Variants in KIF13B observed in about 807,000 individuals in gnomAD.
KIF13B encodes kinesin-like protein KIF13B.
In KIF13B, 127 loss-of-function variants were observed where a neutral mutation model predicts 222.0. The observed-to-expected ratio is 0.57, with a 90% CI of 0.50 to 0.66. KIF13B has a LOEUF of 0.66. KIF13B is among the 30% of genes least tolerant of loss of function. The probability of loss-of-function intolerance (pLI) is 0.00; values close to 1 mark genes in which losing one functional copy is unlikely to be tolerated. For synonymous variants in KIF13B, 976 were observed against 919.0 expected, an observed-to-expected ratio of 1.06 and a Z score of -1.12; for missense variants, 2,173 against 2,379.0, an observed-to-expected ratio of 0.91 and a Z score of 1.80.
At chr8:29,188,388 A>G (rs1326626157) in intron 5 of KIF13B, 127 bp downstream of exon 5, 1 of 571,780 alleles carries the variant, frequency 1.7e-6, no homozygotes, top group East Asian at 3.0e-5. Context: ...TACTTTCAAC[A>G]TCTACAGTAC....
chr8:29,148,159 C>T (rs980374792), intron 16 of KIF13B, among the ~76,000 whole-genome samples: 4 of 152,166 alleles, frequency 2.6e-5, no homozygotes, highest in Non-Finnish European at 4.4e-5. Context: ...GAGCCGAGAT[C>T]GTGCCACTGC....
At chr8:29,231,995 C>G (rs568266708) in intron 2 of KIF13B, among the ~76,000 whole-genome samples, 2 of 152,094 alleles carry the variant, frequency 1.3e-5, no homozygotes, top group Admixed American at 6.6e-5. Context: ...GCTGGTCATG[C>G]CTACAATCTC....
At position 29,071,237 on chromosome 8, in the gene KIF13B, G is replaced by A. The variant is rs535419241; in HGVS notation, c.5218+383C>T. On this transcript the variant is annotated intron_variant, in intron 39 of 39. Coordinates refer to ENST00000524189, the MANE Select transcript of KIF13B (RefSeq NM_015254.4). This position sits in a 1 kb window ranked among gnomAD's most constrained non-coding sequence, Gnocchi z 4.9. ...AAATGAGGGCGAGTCAGAGGCCAGCGAGATGTGTCCGGATGGGGTGAGGAA... is the reference window on the plus strand; with the variant it reads ...AAATGAGGGCGAGTCAGAGGCCAGCAAGATGTGTCCGGATGGGGTGAGGAA... 1.2e-4 allele frequency among the ~76,000 whole-genome samples: 19 copies of A among 152,206 alleles called. No individual in the cohort carries two copies. The highest frequency in any genetic ancestry group is 2.1e-4 in the Non-Finnish European group (14 of 68,038).
At chr8:29,263,161 G>T, upstream of KIF13B, 1 of 781,628 alleles carries the variant, frequency 1.3e-6, no homozygotes, top group Non-Finnish European at 2.0e-6. Flanking sequence ...GGGCGGGGCC[G>T]GCGCGAGCTC....
At chr8:29,199,590 AAAAAAG>A (rs1813599282) in intron 2 of KIF13B, among the ~76,000 whole-genome samples, 1 of 151,438 alleles carries the variant, frequency 6.6e-6, no homozygotes, top group African/African-American at 2.4e-5. Flanking sequence ...AAAAAAAAAA[AAAAAAG>A]AAAGAAATCC....
chr8:29,220,289 C>T (rs1203097598), intron 2 of KIF13B, among the ~76,000 whole-genome samples: 1 of 152,152 alleles, frequency 6.6e-6, no homozygotes, highest in Non-Finnish European at 1.5e-5. Flanking sequence ...ATGGTATTCC[C>T]AGTGGTCACT....
chr8:29,115,878 C>T (rs1298869405), intron 31 of KIF13B, among the ~76,000 whole-genome samples: 1 of 152,130 alleles, frequency 6.6e-6, no homozygotes, highest in Non-Finnish European at 1.5e-5. Flanking sequence ...CTCTCTAAGT[C>T]CCAGTTCAAA....
chr8:29,146,120 T>C (rs1257675311), intron 18 of KIF13B: 1 of 587,816 alleles, frequency 1.7e-6, no homozygotes, highest in Non-Finnish European at 3.0e-6. Flanking sequence ...TTAAACAGAT[T>C]TGAAGGAAGA....
chr8:29,083,171 G>A (rs1807892700), intron 37 of KIF13B, among the ~76,000 whole-genome samples: 3 of 151,832 alleles, frequency 2.0e-5, no homozygotes, highest in South Asian at 2.1e-4. Flanking sequence ...CTTAATATGC[G>A]CTAAGAAATA....
chr8:29,261,261 C>T (rs937240385), intron 1 of KIF13B, among the ~76,000 whole-genome samples: 1 of 152,208 alleles, frequency 6.6e-6, no homozygotes, highest in African/African-American at 2.4e-5. Context: ...ACAGCTAAAA[C>T]TATTATTCTT....
At chr8:29,110,761 C>T (rs1156456733) in intron 32 of KIF13B, 1 of 152,176 alleles carries the variant, frequency 6.6e-6, no homozygotes, top group East Asian at 1.9e-4. Context: ...GGTGCACAGT[C>T]AGAAAGAGGC....
chr8:29,100,664 G>T (rs543125885), intron 35 of KIF13B, among the ~76,000 whole-genome samples: 1 of 152,196 alleles, frequency 6.6e-6, no homozygotes, highest in Non-Finnish European at 1.5e-5. Flanking sequence ...TGGTCAGACT[G>T]GTCTCGAACT....
intron 1 of KIF13B, among the ~76,000 whole-genome samples, chr8:29,258,467 G>A (rs1039000801): frequency 6.6e-6 from 1 of 152,264 alleles, no homozygotes; most frequent in African/African-American, 2.4e-5. Flanking sequence ...AACAGAGTGC[G>A]TGGACCAGCC....
At chr8:29,246,069 C>T (rs1464278892) in intron 1 of KIF13B, among the ~76,000 whole-genome samples, 1 of 152,168 alleles carries the variant, frequency 6.6e-6, no homozygotes, top group Non-Finnish European at 1.5e-5. Flanking sequence ...GATCATTACA[C>T]ATTGTATACA....
intron 37 of KIF13B, among the ~76,000 whole-genome samples, chr8:29,085,420 TAAAAACAGGACCC>T (rs1257570965): frequency 7.9e-5 from 12 of 152,244 alleles, no homozygotes; most frequent in Admixed American, 6.5e-5. Flanking sequence ...GAATGACTGG[TAAAAACAGGACCC>T]ATTCTATTCC....
rs555902620 is a variant in KIF13B at position 29,240,872 on chromosome 8, G to A, written c.149+4474C>T. ...CGCATTGCTGGTGGGAATGTAAAAC[G>A]GTGCGGCAGCTTTGGAAACCAGTTT... On this transcript the variant is annotated intron_variant, in intron 2 of 39. Coordinates refer to ENST00000524189, the MANE Select transcript of KIF13B (RefSeq NM_015254.4). Among the ~76,000 whole-genome samples the A allele has an allele frequency of 4.3e-4, 66 of 152,276 alleles. 1 individual carries two copies. The highest frequency in any genetic ancestry group is 1.4e-3 in the African/African-American group (57 of 41,552).
At chr8:29,248,179 C>A (rs1816120024) in intron 1 of KIF13B, among the ~76,000 whole-genome samples, 1 of 152,172 alleles carries the variant, frequency 6.6e-6, no homozygotes, top group Non-Finnish European at 1.5e-5. Context: ...TCTGACCCAG[C>A]AATTCCACTC....
At chr8:29,245,539 T>C in intron 1 of KIF13B, 100 bp from the exon 2 acceptor site, 1 of 782,428 alleles carries the variant, frequency 1.3e-6, no homozygotes, top group Admixed American at 2.8e-5. Flanking sequence ...TCTTTCATAA[T>C]GCAAACACTC....
At chr8:29,107,952 T>C (rs1428017492) in intron 35 of KIF13B, among the ~76,000 whole-genome samples, 187 bp downstream of exon 35, 2 of 151,962 alleles carry the variant, frequency 1.3e-5, no homozygotes, top group Non-Finnish European at 2.9e-5. Flanking sequence ...GTAGTCAGAG[T>C]CTAATAAACC....
Sources: gnomAD v4.1 joint callset for allele counts (sites outside exome capture counted in the v4.1 genomes callset) on GRCh38, gnomAD v4.1.1 for gene constraint, Gnocchi (gnomAD v3.1) non-coding constraint, MANE v1.5 for transcripts, NCBI Gene and HGNC (gene_info 2026-07-23, HGNC 2026-07-21) for gene names.